The following ZNF517 variants were observed in gnomAD, a reference collection of about 807,000 sequenced individuals.
The protein encoded by ZNF517 is zinc finger protein 517.
Under a neutral mutation model 12.1 loss-of-function variants are expected in ZNF517, and 12 were observed. That is an observed-to-expected ratio of 0.99 (90% CI 0.63 to 1.61). The LOEUF (loss-of-function observed/expected upper bound fraction) is 1.61, where lower values mean the gene tolerates loss of function less well. Ranked by LOEUF, ZNF517 falls within the 40% of genes most tolerant of loss-of-function variation. The pLI is 0.00. For missense variants in ZNF517, 781 were observed against 693.2 expected, an observed-to-expected ratio of 1.13 and a Z score of -1.42; for synonymous variants, 388 against 310.2, an observed-to-expected ratio of 1.25 and a Z score of -2.63.
chr8:144,810,381 A>G (rs1395718113), downstream of ZNF517: 1 of 464,052 alleles, frequency 2.2e-6, no homozygotes, highest in South Asian at 4.5e-5. Flanking sequence ...TGCGCCCCAC[A>G]GTCTGTGCCA....
downstream of ZNF517, chr8:144,811,215 TACTC>T (rs1362393727): frequency 6.6e-6 from 1 of 152,330 alleles, no homozygotes; most frequent in African/African-American, 2.4e-5. Flanking sequence ...ACGATCCACT[TACTC>T]TGTGGACCCT....
In ZNF517 at chr8:144,807,698, AC is replaced by A. The variant is rs754465207; in HGVS notation, c.783del (p.Tyr261Ter). 4.3e-5 allele frequency: 70 copies of A among 1,609,534 alleles called. No homozygotes were observed. The highest frequency in any genetic ancestry group is 5.8e-5 in the Non-Finnish European group (68 of 1,179,012). ...HHRVHTRERP[Y>X]ACGECGKAFS... ...CGCGTCCACACCCGCGAGCGGCCCTACGCATGCGGCGAGTGCGGCAAGGCCT... is the reference window on the plus strand; with the variant it reads ...CGCGTCCACACCCGCGAGCGGCCCTAGCATGCGGCGAGTGCGGCAAGGCCT... On this transcript the variant is annotated frameshift_variant, in exon 5 of 5. Coordinates refer to ENST00000359971, the MANE Select transcript of ZNF517 (RefSeq NM_213605.3). LOFTEE classifies it low-confidence loss of function (END_TRUNC).
intron 4 of ZNF517, among the ~76,000 whole-genome samples, chr8:144,805,393 C>G (rs1027867133): frequency 6.6e-6 from 1 of 152,194 alleles, no homozygotes; most frequent in Non-Finnish European, 1.5e-5. Flanking sequence ...AGCAGTGGCG[C>G]GATCTCAGCT....
At position 144,809,879 on chromosome 8, in the gene ZNF517, C is replaced by T. The variant is rs1200309488; in HGVS notation, c.*1484C>T. The T allele has an allele frequency of 3.3e-6, 1 of 307,170 alleles. No homozygotes were observed. The highest frequency in any genetic ancestry group is 6.0e-6 in the Non-Finnish European group (1 of 167,852). 19.0% of individuals were successfully genotyped at this position (307,170 alleles called of 1,614,324 possible). A position where few individuals can be genotyped will look rare whatever the true frequency, so the allele number is the denominator to read the frequency against. On this transcript the variant is annotated 3_prime_UTR_variant, in exon 5 of 5. Transcript: ENST00000359971. ...CCAGCCTGGCCAACATGGTGAGACC[C>T]CCGTCTCTACTAAAAGTACAAAAAG...
intron 4 of ZNF517, among the ~76,000 whole-genome samples, chr8:144,805,684 C>T (rs757910795): frequency 4.0e-5 from 6 of 148,876 alleles, no homozygotes; most frequent in Admixed American, 3.4e-4. Context: ...GGCGCGTTCT[C>T]GGCTCACTGC....
At chr8:144,803,089 C>A in intron 2 of ZNF517, 142 bp downstream of exon 2, 1 of 1,087,920 alleles carries the variant, frequency 9.2e-7, no homozygotes, top group African/African-American at 1.6e-5. Flanking sequence ...ACAGCCTCCT[C>A]GCTCTATGGC....
intron 4 of ZNF517, 94 bp downstream of exon 4, chr8:144,804,332 T>A: frequency 1.1e-6 from 1 of 878,590 alleles, no homozygotes; most frequent in Non-Finnish European, 1.7e-6. Flanking sequence ...CAGTGGGAGG[T>A]GTGTATGTTT....
At chr8:144,799,012 GC>G in intron 1 of ZNF517, 75 bp downstream of exon 1, 1 of 152,286 alleles carries the variant, frequency 6.6e-6, no homozygotes, top group Non-Finnish European at 1.5e-5. Context: ...GGAGGCTGTA[GC>G]CCCCGCAGTG....
At chr8:144,800,192 C>G (rs1424923631) in intron 1 of ZNF517, among the ~76,000 whole-genome samples, 4 of 151,918 alleles carry the variant, frequency 2.6e-5, no homozygotes, top group Non-Finnish European at 5.9e-5. Flanking sequence ...TCTTGGTGGT[C>G]CTTCATCTAA....
rs1336386321 is a variant in ZNF517 at position 144,809,454 on chromosome 8, C to CA, written c.*1060dup. ...AGGCACATCCACTTGGTTGGGGACC[C>CA]AGATGGAACACAAAGGGAGAAGACA... is the stretch of plus-strand genomic sequence containing the variant. On this transcript the variant is annotated 3_prime_UTR_variant, in exon 5 of 5. Transcript: ENST00000359971. The CA allele has an allele frequency of 6.6e-6, 1 of 152,272 alleles. No individual in the cohort carries two copies. The highest frequency in any genetic ancestry group is 6.5e-5 in the Admixed American group (1 of 15,286). The allele number at this position is 152,272 out of a possible 1,614,324, so 9.4% of individuals were successfully genotyped here.
At chr8:144,799,711 C>T (rs1826852090) in intron 1 of ZNF517, among the ~76,000 whole-genome samples, 1 of 152,066 alleles carries the variant, frequency 6.6e-6, no homozygotes, top group African/African-American at 2.4e-5. Flanking sequence ...GAGGCCGAGG[C>T]GGGCGGATCA....
chr8:144,810,202 G>C, downstream of ZNF517: 1 of 697,934 alleles, frequency 1.4e-6, no homozygotes, highest in Non-Finnish European at 2.6e-6. Flanking sequence ...AGGGTAGCCG[G>C]TGGGGGTGCT....
intron 2 of ZNF517, 148 bp from the exon 3 acceptor site, chr8:144,803,493 T>A: frequency 1.0e-6 from 1 of 997,142 alleles, no homozygotes; most frequent in Non-Finnish European, 1.5e-6. Flanking sequence ...ACTCGGGGGG[T>A]GTTGGGCTGC....
rs1827474282 is a variant in ZNF517, at chr8:144,809,528, A to C, written c.*1133A>C. ...AGACACCCATCTCCTGCCCTTGGAC[A>C]TCAGGACTCCAGGTTCTTCGGCCTT... On this transcript the variant is annotated 3_prime_UTR_variant, in exon 5 of 5. Transcript: ENST00000359971. The C allele has an allele frequency of 6.6e-6, 1 of 152,278 alleles. No individual in the cohort carries two copies. The highest frequency in any genetic ancestry group is 2.1e-4 in the South Asian group (1 of 4,832). 9.4% of individuals were successfully genotyped at this position (152,278 alleles called of 1,614,324 possible). A position where few individuals can be genotyped will look rare whatever the true frequency, so the allele number is the denominator to read the frequency against.
At position 144,807,706 on chromosome 8, in the gene ZNF517, G is replaced by A. The variant is rs147246151; in HGVS notation, c.790G>A (p.Gly264Ser). The A allele has an allele frequency of 5.5e-5, 88 of 1,610,682 alleles. No individual in the cohort carries two copies. The African/African-American group carries it at 1.1e-3, about 19-fold the overall frequency. Residue 264 changes from glycine to serine, a missense_variant, in exon 5 of 5, where the codon GGC becomes AGC. Coordinates refer to ENST00000359971, the MANE Select transcript of ZNF517 (RefSeq NM_213605.3). The part of the protein sequence containing the change: ...VHTRERPYAC[G>S]ECGKAFSRSS... ...CACCCGCGAGCGGCCCTACGCATGC[G>A]GCGAGTGCGGCAAGGCCTTCAGCCG...
downstream of ZNF517, among the ~76,000 whole-genome samples, chr8:144,811,972 G>T (rs1177815723): frequency 1.7e-5 from 2 of 118,616 alleles, no homozygotes; most frequent in Non-Finnish European, 1.7e-5. Context: ...GCTCAGCCAG[G>T]TGCAGACTGC....
chr8:144,806,618 G>A (rs1389088784), intron 4 of ZNF517, among the ~76,000 whole-genome samples: 1 of 151,840 alleles, frequency 6.6e-6, no homozygotes. Context: ...CTGAGTAGCT[G>A]GGACTACAGG....
intron 1 of ZNF517, among the ~76,000 whole-genome samples, chr8:144,802,234 G>A (rs1249354987): frequency 2.6e-5 from 4 of 152,072 alleles, no homozygotes; most frequent in African/African-American, 7.2e-5. Context: ...ATTTCATAAT[G>A]AGCAATGTTG....
At chr8:144,799,296 G>C (rs2954661) in intron 1 of ZNF517, among the ~76,000 whole-genome samples, 90,427 of 152,156 alleles carry the variant, frequency 0.59, 27,180 homozygotes, top group East Asian at 0.66. Flanking sequence ...GGCTCTTCCC[G>C]GCAGCCTCGC....
Sources: allele counts gnomAD v4.1 joint callset (sites outside exome capture counted in the v4.1 genomes callset), GRCh38; gene constraint gnomAD v4.1.1; transcripts MANE v1.5; gene names NCBI Gene and HGNC (gene_info 2026-07-23, HGNC 2026-07-21).